Variants in SFRP1 observed in about 807,000 individuals in gnomAD.
The protein encoded by SFRP1 is secreted frizzled-related protein 1.
SFRP1 carries 9 observed loss-of-function variants against 25.9 expected under a neutral mutation model. That is an observed-to-expected ratio of 0.35 (90% CI 0.21 to 0.61). The LOEUF is 0.61. Among genes scored for constraint, SFRP1 ranks in the 20% least tolerant of loss-of-function variants. SFRP1 has a pLI of 0.78. For missense variants in SFRP1, 346 were observed against 418.2 expected (o/e 0.83, Z 1.51); for synonymous variants, 178 against 174.0 (o/e 1.02, Z -0.18).
At chr8:41,296,986 T>C (rs568031269) in intron 2 of SFRP1, among the ~76,000 whole-genome samples, 101 of 152,260 alleles carry the variant, frequency 6.6e-4, no homozygotes, top group African/African-American at 2.3e-3. Flanking sequence ...GGGGGAGTTG[T>C]TTGTTATTGT....
At chr8:41,290,878 TTCCTCG>T (rs1563364221) in intron 2 of SFRP1, among the ~76,000 whole-genome samples, 1 of 99,122 alleles carries the variant, frequency 1.0e-5, no homozygotes, top group Non-Finnish European at 2.0e-5. Flanking sequence ...TCTCCTCCTC[TTCCTCG>T]TCTTTTTTTT....
intron 2 of SFRP1, among the ~76,000 whole-genome samples, chr8:41,273,701 G>C (rs1288581282): frequency 6.6e-6 from 1 of 152,146 alleles, no homozygotes; most frequent in African/African-American, 2.4e-5. Context: ...GGAAGGCTTA[G>C]GATGGTTTTT....
At chr8:41,293,390 G>A (rs913750109) in intron 2 of SFRP1, among the ~76,000 whole-genome samples, 7 of 152,212 alleles carry the variant, frequency 4.6e-5, no homozygotes, top group South Asian at 2.1e-4. Flanking sequence ...CATAGAATGC[G>A]AAGCGAGTTG....
At chr8:41,308,531 G>A (rs912828956) in intron 1 of SFRP1, 85 bp downstream of exon 1, 13 of 1,112,302 alleles carry the variant, frequency 1.2e-5, no homozygotes, top group African/African-American at 1.6e-5. Flanking sequence ...AGCGGCGGGC[G>A]GGCGTAGGGT....
intron 2 of SFRP1, among the ~76,000 whole-genome samples, chr8:41,302,520 T>C (rs1262431016): frequency 6.6e-6 from 1 of 152,162 alleles, no homozygotes; most frequent in Non-Finnish European, 1.5e-5. Context: ...AGAAATCCGA[T>C]CTCAGGGACA....
intron 2 of SFRP1, among the ~76,000 whole-genome samples, chr8:41,300,190 A>G (rs1012435811): frequency 1.7e-4 from 26 of 152,232 alleles, no homozygotes; most frequent in African/African-American, 5.5e-4. Context: ...GAGGTGCGGG[A>G]AACTGAAAAT....
chr8:41,290,886 C>CTCTTTTTTTT (rs1803769043), intron 2 of SFRP1, among the ~76,000 whole-genome samples: 2 of 53,874 alleles, frequency 3.7e-5, no homozygotes, highest in Non-Finnish European at 8.1e-5. Flanking sequence ...TCTTCCTCGT[C>CTCTTTTTTTT]TTTTTTTTTT....
At chr8:41,292,741 G>A (rs1367762110) in intron 2 of SFRP1, among the ~76,000 whole-genome samples, 1 of 152,226 alleles carries the variant, frequency 6.6e-6, no homozygotes, top group Admixed American at 6.5e-5. Flanking sequence ...GGGCTCAGTA[G>A]AAGCCCAACG....
intron 1 of SFRP1, among the ~76,000 whole-genome samples, chr8:41,306,195 A>G (rs1803993575): frequency 6.6e-6 from 1 of 152,174 alleles, no homozygotes; most frequent in South Asian, 2.1e-4. Context: ...GTCATTTCTC[A>G]TTATCAGGTT....
intron 2 of SFRP1, among the ~76,000 whole-genome samples, chr8:41,284,523 C>T (rs1156285542): frequency 2.6e-5 from 4 of 152,138 alleles, no homozygotes; most frequent in Non-Finnish European, 4.4e-5. Context: ...AATGGAGCTG[C>T]CACTCAGGAG....
rs1456437528 is a variant in SFRP1 at position 41,309,161 on chromosome 8, C to A, written c.-2G>T. 3.1e-5 allele frequency: 43 copies of A among 1,385,874 alleles called. 1 individual carries two copies. In the South Asian group the frequency reaches 6.6e-4, roughly 21 times the overall value. The allele number at this position is 1,385,874 out of a possible 1,614,324, so 85.8% of individuals were successfully genotyped here. A position where few individuals can be genotyped will look rare whatever the true frequency, so the allele number is the denominator to read the frequency against. ...CCCCTCGCTGCGCCCGATGCCCATGCCGGCTCTGCGCCCTGTTCTCCGCGA... is the reference window on the plus strand; with the variant it reads ...CCCCTCGCTGCGCCCGATGCCCATGACGGCTCTGCGCCCTGTTCTCCGCGA... On this transcript the variant is annotated 5_prime_UTR_variant, in exon 1 of 3. Coordinates refer to ENST00000220772, the MANE Select transcript of SFRP1 (RefSeq NM_003012.5).
chr8:41,305,133 A>C (rs1000602993), intron 1 of SFRP1, among the ~76,000 whole-genome samples: 1 of 152,240 alleles, frequency 6.6e-6, no homozygotes, highest in African/African-American at 2.4e-5. Flanking sequence ...AAGGAGAGTG[A>C]ACTGTGCTTT....
chr8:41,291,274 G>A (rs972832929), intron 2 of SFRP1, among the ~76,000 whole-genome samples: 3 of 152,016 alleles, frequency 2.0e-5, no homozygotes, highest in African/African-American at 7.3e-5. Context: ...GTGTCTCTGT[G>A]TTACCAACAA....
intron 2 of SFRP1, among the ~76,000 whole-genome samples, chr8:41,292,674 C>T (rs770381626): frequency 1.3e-5 from 2 of 152,200 alleles, no homozygotes; most frequent in South Asian, 2.1e-4. Context: ...TCTGTCTACA[C>T]AGCTAAAATC....
intron 2 of SFRP1, among the ~76,000 whole-genome samples, chr8:41,266,477 C>G (rs1563357421): frequency 1.3e-5 from 2 of 152,016 alleles, no homozygotes; most frequent in Non-Finnish European, 2.9e-5. Flanking sequence ...ACTCTATTGC[C>G]CAGGCTGGAG....
intron 1 of SFRP1, among the ~76,000 whole-genome samples, chr8:41,307,702 A>G (rs920488347): frequency 1.3e-5 from 2 of 151,934 alleles, no homozygotes; most frequent in Non-Finnish European, 1.5e-5. Context: ...CTTTATATCT[A>G]TTTCATTTTA....
chr8:41,306,891 TTCCTC>T (rs1385928052), intron 1 of SFRP1: 1 of 1,591,102 alleles, frequency 6.3e-7, no homozygotes, highest in East Asian at 2.2e-5. Context: ...GAGGGATTCT[TTCCTC>T]TCTTCTTCAG....
chr8:41,293,926 CTTT>C (rs576425485), intron 2 of SFRP1, among the ~76,000 whole-genome samples: 2 of 139,230 alleles, frequency 1.4e-5, no homozygotes, highest in Admixed American at 7.2e-5. Flanking sequence ...TATCTGGCTA[CTTT>C]TTTTTTTTTT....
chr8:41,302,187 C>A (rs1213035512), intron 2 of SFRP1, among the ~76,000 whole-genome samples: 1 of 152,222 alleles, frequency 6.6e-6, no homozygotes, highest in Non-Finnish European at 1.5e-5. Flanking sequence ...AAGTAACTCA[C>A]ACTGCTGCAT....
Sources: allele counts gnomAD v4.1 joint callset (sites outside exome capture counted in the v4.1 genomes callset), GRCh38; gene constraint gnomAD v4.1.1; transcripts MANE v1.5; gene names NCBI Gene and HGNC (gene_info 2026-07-23, HGNC 2026-07-21).